The following NRXN3 variants were observed in gnomAD, a reference collection of about 807,000 sequenced individuals.
The protein encoded by NRXN3 is neurexin III.
Under a neutral mutation model 137.6 loss-of-function variants are expected in NRXN3, and 32 were observed. That is an observed-to-expected ratio of 0.23 (90% confidence interval 0.18 to 0.31). The LOEUF (loss-of-function observed/expected upper bound fraction) is 0.31, where lower values mean the gene tolerates loss of function less well. Among genes scored for constraint, NRXN3 ranks in the 10% least tolerant of loss-of-function variants. The probability of loss-of-function intolerance (pLI) is 1.00; values close to 1 mark genes in which losing one functional copy is unlikely to be tolerated. For missense variants in NRXN3, 1,574 were observed against 2,062.5 expected, an observed-to-expected ratio of 0.76 and a Z score of 4.59; for synonymous variants, 798 against 784.5, an observed-to-expected ratio of 1.02 and a Z score of -0.29.
intron 1 of NRXN3, among the ~76,000 whole-genome samples, chr14:78,213,039 C>T (rs902448314): frequency 1.2e-4 from 19 of 152,268 alleles, no homozygotes; most frequent in African/African-American, 4.3e-4. Context: ...AAAAACTGTT[C>T]TGAGGAGCTC....
chr14:79,517,992 A>G (rs896127437), intron 16 of NRXN3, among the ~76,000 whole-genome samples: 2 of 123,432 alleles, frequency 1.6e-5, no homozygotes, highest in African/African-American at 3.2e-5. Flanking sequence ...TGCAACCTCC[A>G]CCTCCTGGGT....
At chr14:78,205,531 G>A (rs889394929) in intron 1 of NRXN3, among the ~76,000 whole-genome samples, 2 of 152,230 alleles carry the variant, frequency 1.3e-5, no homozygotes, top group Non-Finnish European at 2.9e-5. Context: ...TGGAGGAATT[G>A]AGGTGAAAGA....
chr14:78,838,057 A>G (rs1278054416), intron 10 of NRXN3, among the ~76,000 whole-genome samples: 1 of 152,156 alleles, frequency 6.6e-6, no homozygotes, highest in Non-Finnish European at 1.5e-5. Context: ...TCAGCTATGG[A>G]GTGATCACCA....
intron 4 of NRXN3, among the ~76,000 whole-genome samples, chr14:78,301,207 A>G (rs2076845956): frequency 6.6e-6 from 1 of 151,834 alleles, no homozygotes; most frequent in African/African-American, 2.4e-5. Context: ...TTTCCTGTAT[A>G]TGTGGGATTC....
chr14:79,608,602 A>G (rs2098054746), intron 16 of NRXN3, among the ~76,000 whole-genome samples: 1 of 152,122 alleles, frequency 6.6e-6, no homozygotes, highest in Non-Finnish European at 1.5e-5. Context: ...ATGCTGATGA[A>G]TTTTTGCTGG....
At chr14:79,341,959 G>A (rs752867223) in intron 15 of NRXN3, among the ~76,000 whole-genome samples, 3 of 152,172 alleles carry the variant, frequency 2.0e-5, no homozygotes, top group African/African-American at 7.2e-5. Flanking sequence ...GAAATTTGAC[G>A]TTAGCATACG....
intron 4 of NRXN3, among the ~76,000 whole-genome samples, chr14:78,369,786 T>C (rs1479074500): frequency 6.6e-6 from 1 of 152,114 alleles, no homozygotes; most frequent in African/African-American, 2.4e-5. Context: ...TTAAATGTTA[T>C]TAATGATGTA....
rs541811526 is a variant in NRXN3, at chr14:78,882,705, C to T, written c.2275+72361C>T. 3.2e-4 allele frequency among the ~76,000 whole-genome samples: 49 copies of T among 151,646 alleles called. 2 individuals are homozygous for T. The highest frequency in any genetic ancestry group is 1.1e-3 in the African/African-American group (44 of 41,016). On this transcript the variant is annotated intron_variant, in intron 10 of 20. Coordinates refer to ENST00000335750, the MANE Select transcript of NRXN3 (RefSeq NM_001330195.2). ...TAGGTGGAAAGGACTTGCCTTGTCT[C>T]GGATGAGACTTTGGACTTGGACTTT...
intron 10 of NRXN3, among the ~76,000 whole-genome samples, chr14:78,926,783 A>AT (rs1162879425): frequency 6.2e-5 from 2 of 32,252 alleles, no homozygotes; most frequent in African/African-American, 2.3e-4. Context: ...ATATATATAA[A>AT]ATATATTATA....
intron 1 of NRXN3, among the ~76,000 whole-genome samples, chr14:78,178,104 T>C (rs2059441515): frequency 6.6e-6 from 1 of 152,218 alleles, no homozygotes; most frequent in South Asian, 2.1e-4. Context: ...TTAAGTAACA[T>C]GTCCAAGGCC....
intron 20 of NRXN3, among the ~76,000 whole-genome samples, chr14:79,820,351 C>T (rs2242644): frequency 0.59 from 89,710 of 151,876 alleles, 26,850 homozygotes; most frequent in African/African-American, 0.69. Flanking sequence ...CAGTATGGTG[C>T]AGGAAGGAGC....
intron 4 of NRXN3, among the ~76,000 whole-genome samples, chr14:78,305,901 G>A (rs1237364694): frequency 6.6e-6 from 1 of 152,066 alleles, no homozygotes; most frequent in Non-Finnish European, 1.5e-5. Flanking sequence ...GAAAGTCTGT[G>A]GGGGAAAATA....
At chr14:78,380,687 A>G (rs2088912112) in intron 4 of NRXN3, among the ~76,000 whole-genome samples, 1 of 152,144 alleles carries the variant, frequency 6.6e-6, no homozygotes, top group African/African-American at 2.4e-5. Context: ...ACTGTGAGAG[A>G]GTAATTTCTG....
intron 17 of NRXN3, among the ~76,000 whole-genome samples, chr14:79,664,743 A>T (rs1290023171): frequency 1.3e-5 from 2 of 152,154 alleles, no homozygotes; most frequent in African/African-American, 4.8e-5. Context: ...AAAAGTCCTG[A>T]ATGCTGATCG....
At chr14:79,481,888 C>T (rs965985831) in intron 16 of NRXN3, among the ~76,000 whole-genome samples, 2 of 151,992 alleles carry the variant, frequency 1.3e-5, no homozygotes, top group African/African-American at 4.8e-5. Flanking sequence ...ACTGAGTCTG[C>T]TTCTGGGTGG....
At chr14:78,699,116 A>G (rs1041176363) in intron 6 of NRXN3, among the ~76,000 whole-genome samples, 11 of 152,062 alleles carry the variant, frequency 7.2e-5, no homozygotes, top group Admixed American at 5.2e-4. Context: ...GAAGAAACAG[A>G]CAATTCCAGC....
chr14:78,608,982 T>C (rs184959036), intron 4 of NRXN3, among the ~76,000 whole-genome samples: 24 of 152,114 alleles, frequency 1.6e-4, no homozygotes, highest in Admixed American at 1.2e-3. Context: ...CAATCTACAA[T>C]ATTTGGGAAG....
chr14:79,346,399 T>C lies in NRXN3; in HGVS notation c.3263-120822T>C, dbSNP rs143689676. Among the ~76,000 whole-genome samples, 971 of 152,184 alleles carry C rather than the reference T, an allele frequency of 6.4e-3. 8 individuals carry two copies. The highest frequency in any genetic ancestry group is 0.022 in the African/African-American group (921 of 41,512). On this transcript the variant is annotated intron_variant, in intron 15 of 20. Transcript: ENST00000335750. ...TCATGCTGTTGCACTCCAGCCTGGG[T>C]AACAAGAGTGAAACTCTGTCTCAAA...
intron 20 of NRXN3, among the ~76,000 whole-genome samples, chr14:79,855,557 A>T (rs2099400776): frequency 1.3e-5 from 2 of 152,190 alleles, no homozygotes; most frequent in South Asian, 4.1e-4. Flanking sequence ...GGTAAATTTA[A>T]TAAAATGTTA....
Sources: gnomAD v4.1 joint callset for allele counts (sites outside exome capture counted in the v4.1 genomes callset) on GRCh38, gnomAD v4.1.1 for gene constraint, MANE v1.5 for transcripts, NCBI Gene and HGNC (gene_info 2026-07-23, HGNC 2026-07-21) for gene names.